SNX29: variants seen among roughly 807,000 people sequenced by gnomAD.
SNX29 encodes sorting nexin 29, also known as sorting nexin-29.
SNX29 carries 78 observed loss-of-function variants against 102.1 expected under a neutral mutation model. The ratio of observed to expected loss-of-function variants is 0.76; its 90% CI spans 0.64 to 0.92. The LOEUF is 0.92. Among genes scored for constraint, SNX29 ranks in the 40% least tolerant of loss-of-function variants. The pLI, the probability that SNX29 is intolerant of heterozygous loss-of-function variation, is 0.00. For synonymous variants in SNX29, 580 were observed against 414.5 expected (o/e 1.40, Z -4.85); for missense variants, 1,280 against 1,061.7 (o/e 1.21, Z -2.86).
chr16:12,199,638 G>A lies in SNX29; in HGVS notation c.1633G>A (p.Val545Ile), dbSNP rs747503210. The A allele has an allele frequency of 1.1e-4, 171 of 1,613,144 alleles. No individual in the cohort carries two copies. The highest frequency in any genetic ancestry group is 1.4e-4 in the Non-Finnish European group (170 of 1,179,570). The part of the protein sequence containing the change: ...EVLKVQLKKY[V>I]GAVQMLKREG... ...GCTCAAAGTCCAACTGAAGAAATAT[G>A]TAGGAGCTGTCCAGATGCTGAAAAG... The change falls in exon 14 of 21, where the codon GTA becomes ATA. Residue 545 changes from valine to isoleucine, a missense_variant. By Grantham distance (29) the Val-to-Ile change is conservative. Transcript: ENST00000566228.
At chr16:12,222,786 C>G (rs1031530811) in intron 14 of SNX29, among the ~76,000 whole-genome samples, 1 of 152,176 alleles carries the variant, frequency 6.6e-6, no homozygotes, top group Non-Finnish European at 1.5e-5. Context: ...CCAGTCTGTT[C>G]TCAAACTCCC....
rs766696841 is a variant in SNX29, at chr16:12,027,338, C to T, written c.141C>T (p.Ala47=). Residue 47 remains alanine, a synonymous_variant, in exon 4 of 21, where the codon GCC becomes GCT. Coordinates refer to ENST00000566228, the MANE Select transcript of SNX29 (RefSeq NM_032167.5). ...DSDSRVTCLC[A]QFEAVLQHGL... is the part of the protein sequence containing the mutation. ...CTCACAGGGTCACCTGTCTGTGTGC[C>T]CAGTTTGAAGCCGTCCTGCAGCATG... is the stretch of plus-strand genomic sequence containing the variant. 4 of 1,613,740 alleles carry T rather than the reference C, an allele frequency of 2.5e-6. No individual in the cohort carries two copies. Among genetic ancestry groups the T allele is most frequent in the African/African-American group, 1.3e-5 (1 of 74,866 alleles).
intron 20 of SNX29, among the ~76,000 whole-genome samples, chr16:12,568,185 T>C (rs1199401219): frequency 6.6e-6 from 1 of 151,758 alleles, no homozygotes; most frequent in Admixed American, 6.6e-5. Flanking sequence ...AAGGAAAATG[T>C]GGGGAAGAAA....
At chr16:12,433,630 CAAAA>C (rs1235730528) in intron 18 of SNX29, among the ~76,000 whole-genome samples, 9 of 55,334 alleles carry the variant, frequency 1.6e-4, no homozygotes, top group Non-Finnish European at 2.1e-4. Context: ...GACTGCGTCT[CAAAA>C]AAAAAAAAAA....
chr16:12,150,434 G>T (rs189066175), intron 13 of SNX29, among the ~76,000 whole-genome samples: 101 of 152,312 alleles, frequency 6.6e-4, no homozygotes, highest in African/African-American at 2.0e-3. Flanking sequence ...TGAATTATTT[G>T]CCTAGCTCCT....
intron 15 of SNX29, among the ~76,000 whole-genome samples, chr16:12,311,039 A>C (rs1406639231): frequency 6.6e-6 from 1 of 152,238 alleles, no homozygotes; most frequent in Non-Finnish European, 1.5e-5. Flanking sequence ...GTTATAAATT[A>C]TAATAAAAAG....
intron 14 of SNX29, among the ~76,000 whole-genome samples, chr16:12,267,961 A>G (rs1318064080): frequency 1.3e-5 from 2 of 152,056 alleles, no homozygotes; most frequent in African/African-American, 4.8e-5. Context: ...CTTTAGCCAC[A>G]TGGGGCCTCC....
At chr16:12,542,258 GGAAATTGAGGCATGGA>G (rs149808198) in intron 20 of SNX29, among the ~76,000 whole-genome samples, 18,143 of 152,084 alleles carry the variant, frequency 0.12, 1,342 homozygotes, top group Non-Finnish European at 0.16. Flanking sequence ...TTATAGATGA[GGAAATTGAGGCATGGA>G]GAAATGGAGG....
intron 11 of SNX29, among the ~76,000 whole-genome samples, chr16:12,082,153 C>G (rs1032342029): frequency 6.6e-6 from 1 of 151,714 alleles, no homozygotes; most frequent in Non-Finnish European, 1.5e-5. Context: ...AGACTTGACT[C>G]TGGCTGTGAG....
chr16:12,273,046 C>T (rs543712231), intron 14 of SNX29, among the ~76,000 whole-genome samples: 11 of 152,274 alleles, frequency 7.2e-5, no homozygotes, highest in South Asian at 2.1e-4. Context: ...AGTGCATGAT[C>T]GTTTTTCCTG....
chr16:12,184,805 G>A (rs2076473147), intron 13 of SNX29, among the ~76,000 whole-genome samples: 1 of 152,226 alleles, frequency 6.6e-6, no homozygotes, highest in African/African-American at 2.4e-5. Flanking sequence ...TTTTACTCAA[G>A]CGTAGACTAG....
At chr16:12,150,337 A>T (rs555483146) in intron 13 of SNX29, among the ~76,000 whole-genome samples, 11 of 152,140 alleles carry the variant, frequency 7.2e-5, no homozygotes, top group Non-Finnish European at 1.3e-4. Context: ...GATAAGTATG[A>T]TTCCAGTTGT....
chr16:12,205,327 C>G (rs1042440502), intron 14 of SNX29, among the ~76,000 whole-genome samples: 2 of 152,190 alleles, frequency 1.3e-5, no homozygotes, highest in Admixed American at 1.3e-4. Flanking sequence ...AAAGCTGGCT[C>G]TGTGTGTGTA....
chr16:12,005,736 A>C (rs1314314098), intron 3 of SNX29, among the ~76,000 whole-genome samples: 1 of 152,224 alleles, frequency 6.6e-6, no homozygotes, highest in Non-Finnish European at 1.5e-5. Flanking sequence ...TCCAAAATTC[A>C]AAACTTTTTG....
chr16:12,444,186 A>G (rs2085941411), intron 18 of SNX29, among the ~76,000 whole-genome samples: 1 of 152,120 alleles, frequency 6.6e-6, no homozygotes, highest in African/African-American at 2.4e-5. Context: ...CACTCAATAT[A>G]GCACCTAGGA....
chr16:12,040,592 AG>A (rs140447355), intron 4 of SNX29, among the ~76,000 whole-genome samples: 1,545 of 152,316 alleles, frequency 0.01, 11 homozygotes, highest in Middle Eastern at 0.027. Flanking sequence ...ACTAGGAATG[AG>A]GACAATTATT....
chr16:12,233,601 AACC>A (rs1447199697), intron 14 of SNX29, among the ~76,000 whole-genome samples: 3 of 152,242 alleles, frequency 2.0e-5, no homozygotes, highest in African/African-American at 7.2e-5. Context: ...AGGTGAAAAA[AACC>A]ACACAAACAA....
chr16:12,329,763 C>T (rs755535771), intron 15 of SNX29, among the ~76,000 whole-genome samples: 2 of 152,224 alleles, frequency 1.3e-5, no homozygotes, highest in Non-Finnish European at 2.9e-5. Flanking sequence ...GGCACACATG[C>T]CAAGTGGCCC....
intron 11 of SNX29, among the ~76,000 whole-genome samples, chr16:12,109,685 GCTC>G (rs1429002075): frequency 2.0e-5 from 3 of 152,066 alleles, no homozygotes; most frequent in Non-Finnish European, 2.9e-5. Context: ...ACTCTGGAAA[GCTC>G]CTGCAAGAAG....
Sources: allele counts gnomAD v4.1 joint callset (sites outside exome capture counted in the v4.1 genomes callset), GRCh38; gene constraint gnomAD v4.1.1; transcripts MANE v1.5; gene names NCBI Gene and HGNC (gene_info 2026-07-23, HGNC 2026-07-21).